The following GLDC variants were observed in gnomAD, a reference collection of about 807,000 sequenced individuals.
GLDC encodes glycine decarboxylase, also known as glycine dehydrogenase (decarboxylating), mitochondrial.
Under a neutral mutation model 121.3 loss-of-function variants are expected in GLDC, and 104 were observed. That is an observed-to-expected ratio of 0.86 (90% CI 0.73 to 1.01). The LOEUF is 1.01. Ranked by LOEUF, GLDC falls within the 50% of genes least tolerant of loss-of-function variation. The probability of loss-of-function intolerance (pLI) is 0.00; values close to 1 mark genes in which losing one functional copy is unlikely to be tolerated. For missense variants in GLDC, 1,429 were observed against 1,306.6 expected (o/e 1.09, Z -1.44); for synonymous variants, 546 against 480.6 (o/e 1.14, Z -1.78).
chr9:6,578,628 C>T lies in GLDC; in HGVS notation c.1850+8513G>A, dbSNP rs572471788. 3.9e-5 allele frequency among the ~76,000 whole-genome samples: 6 copies of T among 152,198 alleles called. No individual in the cohort carries two copies. In the East Asian group the frequency reaches 1.2e-3, roughly 29 times the overall value. On this transcript the variant is annotated intron_variant, in intron 15 of 24. Coordinates refer to ENST00000321612, the MANE Select transcript of GLDC (RefSeq NM_000170.3). ...GATCATGGCTCACTGCAGCCTCAAC[C>T]TCCTGGACTCAAGTGATCCTCCCAC...
intron 3 of GLDC, among the ~76,000 whole-genome samples, chr9:6,619,503 G>A (rs367799082): frequency 8.6e-5 from 13 of 152,028 alleles, no homozygotes; most frequent in African/African-American, 2.7e-4. Flanking sequence ...TGAAGCGGGC[G>A]GATCACCTGA....
chr9:6,546,987 A>G (rs1817407218), intron 21 of GLDC, among the ~76,000 whole-genome samples: 1 of 151,872 alleles, frequency 6.6e-6, no homozygotes, highest in South Asian at 2.1e-4. Context: ...AATAATAATA[A>G]TGATAAGAAG....
Position 6,629,929 on chromosome 9 carries a change from C to CTATATATATATATGTGTATATATATA in GLDC, c.335-9611_335-9610insTATATATATACACATATATATATATA, listed in dbSNP as rs60994714. 4.9e-5 allele frequency among the ~76,000 whole-genome samples: 5 copies of CTATATATATATATGTGTATATATATA among 102,154 alleles called. No individual in the cohort carries two copies. In the South Asian group the frequency reaches 1.3e-3, roughly 26 times the overall value. The allele number at this position is 102,154 out of a possible 152,430, so 67.0% of individuals were successfully genotyped here. On this transcript the variant is annotated intron_variant, in intron 2 of 24. Coordinates refer to ENST00000321612, the MANE Select transcript of GLDC (RefSeq NM_000170.3). ...ATGTGGGAGGGAGGCTTGCTTTTCACTATATATATATATATGTATATATAT... is the reference window on the plus strand; with the variant it reads ...ATGTGGGAGGGAGGCTTGCTTTTCACTATATATATATATGTGTATATATATATATATATATATATATGTATATATAT...
chr9:6,581,864 GA>G (rs1348733920), intron 15 of GLDC, among the ~76,000 whole-genome samples: 2 of 152,254 alleles, frequency 1.3e-5, no homozygotes, highest in East Asian at 3.9e-4. Context: ...TGTAAACAGT[GA>G]AAAGGAAATT....
Position 6,532,729 on chromosome 9 carries a change from C to A in GLDC, c.*288G>T, listed in dbSNP as rs774139467. On this transcript the variant is annotated 3_prime_UTR_variant, in exon 25 of 25. Coordinates refer to ENST00000321612, the MANE Select transcript of GLDC (RefSeq NM_000170.3). ...CTCTATGACATCTGCAAACTTGCCA[C>A]ATTAAAAGTTAAAGTTCCTAAAACT... 2 of 410,620 alleles carry A rather than the reference C, an allele frequency of 4.9e-6. No individual in the cohort carries two copies. The highest frequency in any genetic ancestry group is 9.1e-6 in the Non-Finnish European group (2 of 219,324). The allele number at this position is 410,620 out of a possible 1,614,324, so 25.4% of individuals were successfully genotyped here. A position where few individuals can be genotyped will look rare whatever the true frequency, so the allele number is the denominator to read the frequency against.
intron 2 of GLDC, among the ~76,000 whole-genome samples, chr9:6,629,953 A>ATG: frequency 1.4e-5 from 1 of 71,754 alleles, no homozygotes; most frequent in African/African-American, 6.8e-5. Flanking sequence ...ATGTATATAT[A>ATG]TATATTTTTT....
chr9:6,588,300 A>G, intron 14 of GLDC, 101 bp downstream of exon 14: 1 of 843,400 alleles, frequency 1.2e-6, no homozygotes, highest in Non-Finnish European at 2.1e-6. Flanking sequence ...TTCTTCAATC[A>G]CAGAATCACA....
chr9:6,625,114 AT>A lies in GLDC; in HGVS notation c.335-4796del, dbSNP rs567401384. Among the ~76,000 whole-genome samples, 32 of 152,232 alleles carry A rather than the reference AT, an allele frequency of 2.1e-4. No individual in the cohort carries two copies. The South Asian group carries it at 6.2e-3, about 30-fold the overall frequency. On this transcript the variant is annotated intron_variant, in intron 2 of 24. Coordinates refer to ENST00000321612, the MANE Select transcript of GLDC (RefSeq NM_000170.3). ...AGCATCATTCTCTTTACTAACTAAC[AT>A]TATCCTCTGGCTTAAGAGAGCTGGT...
rs758882025 is a variant in GLDC, at chr9:6,588,487, T to A, written c.1666-45A>T. On this transcript the variant is annotated intron_variant, in intron 13 of 24. Transcript: ENST00000321612. The stretch of plus-strand genomic sequence containing the variant: ...AATGTATCACATTAGTGATTTTCTA[T>A]AGTCCATCAATCAACCCTCCATTCT... The A allele has an allele frequency of 1.9e-6, 3 of 1,539,538 alleles. No individual in the cohort carries two copies. The Admixed American group carries it at 5.0e-5, about 26-fold the overall frequency.
chr9:6,558,052 T>A (rs1172658988), intron 17 of GLDC: 1 of 216,490 alleles, frequency 4.6e-6, no homozygotes, highest in East Asian at 1.1e-4. Context: ...CAGCTGCCAG[T>A]CCGCTGGTGG....
At chr9:6,550,725 C>G in intron 21 of GLDC, 78 bp downstream of exon 21, 1 of 852,544 alleles carries the variant, frequency 1.2e-6, no homozygotes, top group East Asian at 2.4e-5. Flanking sequence ...TTGCCCATGT[C>G]AGAAAAGCGC....
intron 2 of GLDC, among the ~76,000 whole-genome samples, chr9:6,623,587 G>A (rs1041882648): frequency 6.6e-6 from 1 of 150,704 alleles, no homozygotes; most frequent in Non-Finnish European, 1.5e-5. Context: ...ATCCCCCTCT[G>A]AGAGAAACAC....
chr9:6,589,963 G>C (rs879724538), intron 11 of GLDC, among the ~76,000 whole-genome samples: 1 of 151,972 alleles, frequency 6.6e-6, no homozygotes, highest in African/African-American at 2.4e-5. Context: ...GCTGAGGCAG[G>C]AGAATGGCGT....
chr9:6,615,778 T>A (rs954745127), intron 3 of GLDC, among the ~76,000 whole-genome samples: 1 of 151,864 alleles, frequency 6.6e-6, no homozygotes, highest in Non-Finnish European at 1.5e-5. Flanking sequence ...GCCTGGCTAA[T>A]TTTTTTTGTA....
At chr9:6,567,246 A>G (rs561587371) in intron 15 of GLDC, 1 of 152,166 alleles carries the variant, frequency 6.6e-6, no homozygotes, top group Non-Finnish European at 1.5e-5. Context: ...CTCTCTTCCA[A>G]GAAGAAAGGC....
Position 6,605,266 on chromosome 9 carries a change from G to A in GLDC, c.726C>T (p.Val242=), listed in dbSNP as rs377750481. ...VVQTRAKYTG[V]LTELKLPCEM... is the part of the protein sequence containing the mutation. ...CACAGGGTAACTTCAGCTCAGTGAG[G>A]ACTCCAGTATATCTGGAAAGACAGA... The change falls in exon 6 of 25, where the codon GTC becomes GTT. Residue 242 remains valine (V), a synonymous_variant. Coordinates refer to ENST00000321612, the MANE Select transcript of GLDC (RefSeq NM_000170.3). 11 of 1,613,752 alleles carry A rather than the reference G, an allele frequency of 6.8e-6. No individual in the cohort carries two copies. Among genetic ancestry groups the A allele is most frequent in the Non-Finnish European group, 8.5e-6 (10 of 1,179,778 alleles).
intron 16 of GLDC, 151 bp from the exon 17 acceptor site, chr9:6,558,835 T>G: frequency 2.3e-6 from 2 of 876,860 alleles, no homozygotes; most frequent in Non-Finnish European, 3.7e-6. Flanking sequence ...CTGCTACAAT[T>G]TAATTATTTG....
At position 6,546,557 on chromosome 9, in the gene GLDC, T is replaced by G. The variant is rs547304637; in HGVS notation, c.2569+4246A>C. ...TCAGGGACAGTAACACACACGGAGC[T>G]GCTATCTCCTGTGATGACAATGCCT... On this transcript the variant is annotated intron_variant, in intron 21 of 24. Coordinates refer to ENST00000321612, the MANE Select transcript of GLDC (RefSeq NM_000170.3). Among the ~76,000 whole-genome samples, 229 of 152,192 alleles carry G rather than the reference T, an allele frequency of 1.5e-3. 2 individuals are homozygous for G. Among genetic ancestry groups the G allele is most frequent in the South Asian group, 1.7e-3 (8 of 4,812 alleles).
At chr9:6,593,214 C>T in intron 9 of GLDC, 1 of 499,596 alleles carries the variant, frequency 2.0e-6, no homozygotes. Flanking sequence ...AATTGCATTA[C>T]TGCGTGTATT....
Sources: gnomAD v4.1 joint callset for allele counts (sites outside exome capture counted in the v4.1 genomes callset) on GRCh38, gnomAD v4.1.1 for gene constraint, MANE v1.5 for transcripts, NCBI Gene and HGNC (gene_info 2026-07-23, HGNC 2026-07-21) for gene names.